The following TLE4 variants were observed in gnomAD, a reference collection of about 807,000 sequenced individuals.
TLE4 encodes the protein TLE family member 4, transcriptional corepressor, also known as transducin-like enhancer protein 4.
Under a neutral mutation model 92.8 loss-of-function variants are expected in TLE4, and 8 were observed. That is an observed-to-expected ratio of 0.09 (90% confidence interval 0.05 to 0.16). TLE4 has a LOEUF of 0.16. Ranked by LOEUF, TLE4 falls within the 10% of genes least tolerant of loss-of-function variation. The probability of loss-of-function intolerance (pLI) is 1.00; values close to 1 mark genes in which losing one functional copy is unlikely to be tolerated. For missense variants in TLE4, 675 were observed against 997.6 expected (o/e 0.68, Z 4.36); for synonymous variants, 371 against 374.1 (o/e 0.99, Z 0.10).
chr9:79,723,137 C>T (rs1468542235), intron 19 of TLE4, 102 bp downstream of exon 19: 5 of 1,100,594 alleles, frequency 4.5e-6, no homozygotes, highest in Admixed American at 1.9e-5. Context: ...GAGGTCAGAG[C>T]TAGTATTATG....
intron 13 of TLE4, 39 bp downstream of exon 13, chr9:79,708,825 G>A (rs1239700008): frequency 1.1e-5 from 17 of 1,567,126 alleles, no homozygotes; most frequent in Admixed American, 3.6e-5. Context: ...TTTAGCACAC[G>A]GAGGATTGTC....
intron 8 of TLE4, among the ~76,000 whole-genome samples, chr9:79,682,678 A>G (rs532244197): frequency 6.6e-6 from 1 of 152,324 alleles, no homozygotes; most frequent in African/African-American, 2.4e-5. Context: ...CAGTTGCCTG[A>G]TGAAACTGAA....
intron 11 of TLE4, 80 bp from the exon 12 acceptor site, chr9:79,708,038 T>C: frequency 6.9e-7 from 1 of 1,448,338 alleles, no homozygotes; most frequent in Non-Finnish European, 9.5e-7. Flanking sequence ...CCTCCTTTCC[T>C]TTTCTTTACC....
Position 79,606,373 on chromosome 9 carries a change from G to T in TLE4, c.253-6283G>T, listed in dbSNP as rs1429319754. ...GAATACCTAAGATTAGTGTGTGTGT[G>T]TTTTTTTTTTTTTTTTAAATACTTT... On this transcript the variant is annotated intron_variant, in intron 4 of 19. Coordinates refer to ENST00000376552, the MANE Select transcript of TLE4 (RefSeq NM_007005.6). 2.5e-4 allele frequency among the ~76,000 whole-genome samples: 28 copies of T among 113,658 alleles called. 1 individual carries two copies. Among genetic ancestry groups the T allele is most frequent in the East Asian group, 5.4e-4 (2 of 3,670 alleles). 74.6% of individuals were successfully genotyped at this position (113,658 alleles called of 152,430 possible).
At chr9:79,609,863 T>C (rs1455328663) in intron 4 of TLE4, among the ~76,000 whole-genome samples, 1 of 152,092 alleles carries the variant, frequency 6.6e-6, no homozygotes, top group African/African-American at 2.4e-5. Flanking sequence ...AAGCTAACAG[T>C]ACTGGCGTAG....
rs373975992 is a variant in TLE4, at chr9:79,704,771, T to A, written c.610-12T>A. 1.1e-5 allele frequency: 17 copies of A among 1,606,188 alleles called. No homozygotes were observed. The South Asian group carries it at 1.8e-4, about 17-fold the overall frequency. On this transcript the variant is annotated splice_polypyrimidine_tract_variant and intron_variant, in intron 8 of 19. Coordinates refer to ENST00000376552, the MANE Select transcript of TLE4 (RefSeq NM_007005.6). The stretch of plus-strand genomic sequence containing the variant: ...AATTTCTCAACCATGCTTCCTCTCC[T>A]TCTAATTCCAGAGCTCTTCAGTATC...
In TLE4 at chr9:79,571,970, G is replaced by C. The variant is rs1384629499; in HGVS notation, c.-821G>C. ...GTCAAAGAAGTCACCTACACAGAGC[G>C]TGTTGTTAGAGCTGTGCTGAGCGGG... On this transcript the variant is annotated 5_prime_UTR_variant, in exon 1 of 20. Coordinates refer to ENST00000376552, the MANE Select transcript of TLE4 (RefSeq NM_007005.6). The C allele has an allele frequency of 6.6e-6, 1 of 152,256 alleles. No homozygotes were observed. Among genetic ancestry groups the C allele is most frequent in the African/African-American group, 2.4e-5 (1 of 41,450 alleles). 9.4% of individuals were successfully genotyped at this position (152,256 alleles called of 1,614,324 possible).
At chr9:79,644,248 A>C (rs899741508) in intron 6 of TLE4, among the ~76,000 whole-genome samples, 4 of 152,052 alleles carry the variant, frequency 2.6e-5, no homozygotes, top group Non-Finnish European at 5.9e-5. Flanking sequence ...CCACGTGAAG[A>C]AGGGCATGTT....
At chr9:79,623,342 A>G (rs1458283134) in intron 5 of TLE4, among the ~76,000 whole-genome samples, 1 of 152,158 alleles carries the variant, frequency 6.6e-6, no homozygotes, top group Non-Finnish European at 1.5e-5. Context: ...TATATTAAAC[A>G]CCTACTATAC....
At chr9:79,615,570 T>C (rs1304226093) in intron 5 of TLE4, among the ~76,000 whole-genome samples, 1 of 152,104 alleles carries the variant, frequency 6.6e-6, no homozygotes, top group Non-Finnish European at 1.5e-5. Context: ...TCTTTTTAAT[T>C]TAGCCCCCAT....
intron 7 of TLE4, 21 bp from the exon 8 acceptor site, chr9:79,654,038 T>G (rs760334122): frequency 6.2e-7 from 1 of 1,613,730 alleles, no homozygotes; most frequent in South Asian, 1.1e-5. Flanking sequence ...TCTGCTTGTG[T>G]TGCTGCTGTT....
chr9:79,709,740 T>C, intron 14 of TLE4, 41 bp downstream of exon 14: 1 of 1,579,716 alleles, frequency 6.3e-7, no homozygotes, highest in Non-Finnish European at 8.7e-7. Context: ...TGTGTCAAAC[T>C]CAGGTCCCTT....
chr9:79,711,851 G>C (rs1202940778), intron 14 of TLE4, among the ~76,000 whole-genome samples: 2 of 152,196 alleles, frequency 1.3e-5, no homozygotes, highest in Non-Finnish European at 2.9e-5. Context: ...GAGAGTGACA[G>C]AGTCACATCT....
At chr9:79,592,629 A>G (rs1217203255) in intron 4 of TLE4, among the ~76,000 whole-genome samples, 2 of 152,122 alleles carry the variant, frequency 1.3e-5, no homozygotes, top group African/African-American at 2.4e-5. Context: ...TTACCTTTAT[A>G]TAGACATAGT....
chr9:79,576,280 A>G (rs2037731948), intron 4 of TLE4, 103 bp downstream of exon 4: 1 of 810,640 alleles, frequency 1.2e-6, no homozygotes, highest in Non-Finnish European at 1.9e-6. Context: ...CGTTGTGGCT[A>G]CCTGTATTTA....
chr9:79,717,703 C>G (rs2074810268), intron 14 of TLE4, among the ~76,000 whole-genome samples: 6 of 152,194 alleles, frequency 3.9e-5, no homozygotes, highest in Admixed American at 3.9e-4. Context: ...GCTTCCTGTC[C>G]TTTACGCACC....
intron 8 of TLE4, chr9:79,671,644 C>T (rs1252132361): frequency 5.1e-6 from 1 of 197,186 alleles, no homozygotes; most frequent in Non-Finnish European, 1.1e-5. Context: ...ACACACATCC[C>T]TGCACTATAA....
intron 1 of TLE4, 38 bp downstream of exon 1, chr9:79,572,873 T>C: frequency 6.3e-7 from 1 of 1,578,064 alleles, no homozygotes; most frequent in South Asian, 1.1e-5. Flanking sequence ...CGCCGGGTGC[T>C]GGGGGATTCC....
chr9:79,663,882 C>T (rs1364263333), intron 8 of TLE4, among the ~76,000 whole-genome samples: 1 of 152,148 alleles, frequency 6.6e-6, no homozygotes, highest in Non-Finnish European at 1.5e-5. Context: ...CAAAACAAGG[C>T]TTCAGAAAAG....
Sources: allele counts gnomAD v4.1 joint callset (sites outside exome capture counted in the v4.1 genomes callset), GRCh38; gene constraint gnomAD v4.1.1; transcripts MANE v1.5; gene names NCBI Gene and HGNC (gene_info 2026-07-23, HGNC 2026-07-21).